CENPV: variants seen among roughly 807,000 people sequenced by gnomAD.
CENPV encodes the protein nuclear protein p30.
A neutral mutation model predicts 26.4 loss-of-function variants in CENPV; 15 were observed. The observed-to-expected ratio is 0.57, with a 90% CI of 0.38 to 0.88. The LOEUF is 0.88. Among genes scored for constraint, CENPV ranks in the 40% least tolerant of loss-of-function variants. The pLI is 0.00. For missense variants in CENPV, 336 were observed against 376.5 expected, an observed-to-expected ratio of 0.89 and a Z score of 0.89; for synonymous variants, 172 against 165.5, an observed-to-expected ratio of 1.04 and a Z score of -0.30.
At position 16,348,609 on chromosome 17, in the gene CENPV, C is replaced by G. The variant is rs776930185; in HGVS notation, c.579+7G>C. ...TGCACTCCTTGACCCTGCTCTTAAG[C>G]ACTGACCTTCAGGAGCTTGAAGCGA... On this transcript the variant is annotated splice_region_variant and intron_variant, in intron 3 of 4. Transcript: ENST00000299736. The G allele has an allele frequency of 6.2e-7, 1 of 1,613,994 alleles. No individual in the cohort carries two copies. Among genetic ancestry groups the G allele is most frequent in the South Asian group, 1.1e-5 (1 of 91,072 alleles).
chr17:16,353,364 C>CG lies in CENPV; in HGVS notation c.72dup (p.Ala25ArgfsTer20). On this transcript the variant is annotated frameshift_variant, in exon 1 of 5. Coordinates refer to ENST00000299736, the MANE Select transcript of CENPV (RefSeq NM_181716.3). LOFTEE classifies it high-confidence loss of function. ...GCCAAGGCAGCGGCCGCGGAGGCCG[C>CG]GGGGGCCGCGGAGGCCCCGGACCGC... 1 of 1,247,160 alleles carries CG rather than the reference C, an allele frequency of 8.0e-7. No homozygotes were observed. The highest frequency in any genetic ancestry group is 1.0e-6 in the Non-Finnish European group (1 of 1,001,296). The allele number at this position is 1,247,160 out of a possible 1,614,324, so 77.3% of individuals were successfully genotyped here.
chr17:16,353,451 G>T lies in CENPV; in HGVS notation c.-15C>A. 1 of 1,113,480 alleles carries T rather than the reference G, an allele frequency of 9.0e-7. No homozygotes were observed. The highest frequency in any genetic ancestry group is 4.3e-5 in the South Asian group (1 of 23,272). 69.0% of individuals were successfully genotyped at this position (1,113,480 alleles called of 1,614,324 possible). Reference sequence around the variant, plus strand: ...GATCGCCGCATGGCTCCCGCAGCCTGGCGCGCAGGCCTCGCAGCGCGGCGC... The same window carrying T: ...GATCGCCGCATGGCTCCCGCAGCCTTGCGCGCAGGCCTCGCAGCGCGGCGC... On this transcript the variant is annotated 5_prime_UTR_variant, in exon 1 of 5. Transcript: ENST00000299736.
chr17:16,353,267 G>A lies in CENPV; in HGVS notation c.170C>T (p.Pro57Leu). Residue 57 changes from proline to leucine, a missense_variant, in exon 1 of 5, where the codon CCG becomes CTG. Pro to Leu is a moderately conservative substitution (Grantham distance 98). Around this residue, in one of 2 missense-constraint regions of CENPV, gnomAD observed 181 missense variants for 148.8 expected, o/e 1.22. Coordinates refer to ENST00000299736, the MANE Select transcript of CENPV (RefSeq NM_181716.3). ...GSKSQAVEKP[P>L]SEKPRLRRSS... ...GCGCCTCAGCCGCGGCTTCTCCGAC[G>A]GCGGCTTCTCCACCGCCTGGCTCTT... 2 of 1,419,044 alleles carry A rather than the reference G, an allele frequency of 1.4e-6. No homozygotes were observed. Among genetic ancestry groups the A allele is most frequent in the Non-Finnish European group, 9.2e-7 (1 of 1,087,114 alleles). The allele number at this position is 1,419,044 out of a possible 1,614,324, so 87.9% of individuals were successfully genotyped here. A position where few individuals can be genotyped will look rare whatever the true frequency, so the allele number is the denominator to read the frequency against.
rs1568867282 is a variant in CENPV, at chr17:16,348,468, T to C, written c.579+148A>G. On this transcript the variant is annotated intron_variant, in intron 3 of 4. Coordinates refer to ENST00000299736, the MANE Select transcript of CENPV (RefSeq NM_181716.3). The stretch of plus-strand genomic sequence containing the variant: ...CACTGTGCCGGGCCCACCTTTTAAA[T>C]GTCAACCTGAAACCAAAGCCCGTGA... 4 of 1,487,832 alleles carry C rather than the reference T, an allele frequency of 2.7e-6. No homozygotes were observed. The East Asian group carries it at 7.1e-5, about 27-fold the overall frequency. 92.2% of individuals were successfully genotyped at this position (1,487,832 alleles called of 1,614,324 possible). A position where few individuals can be genotyped will look rare whatever the true frequency, so the allele number is the denominator to read the frequency against.
chr17:16,347,354 T>TGG (rs2093211487), intron 3 of CENPV, among the ~76,000 whole-genome samples: 1 of 152,056 alleles, frequency 6.6e-6, no homozygotes, highest in African/African-American at 2.4e-5. Context: ...GCTCACTCCA[T>TGG]AGCCACTGCA....
At chr17:16,352,976 A>AG (rs2093234118) in intron 1 of CENPV, 51 bp downstream of exon 1, 2 of 1,491,462 alleles carry the variant, frequency 1.3e-6, no homozygotes, top group African/African-American at 1.5e-5. Flanking sequence ...ACTCCTGCCG[A>AG]GGGGGTCCGC....
chr17:16,350,135 C>T (rs2093223051), intron 1 of CENPV, 106 bp from the exon 2 acceptor site: 1 of 1,356,986 alleles, frequency 7.4e-7, no homozygotes, highest in Non-Finnish European at 1.0e-6. Flanking sequence ...GTCTTTTCTA[C>T]ATGACAACCA....
At chr17:16,345,540 A>G (rs1568865201) in intron 3 of CENPV, among the ~76,000 whole-genome samples, 1 of 152,074 alleles carries the variant, frequency 6.6e-6, no homozygotes, top group Non-Finnish European at 1.5e-5. Context: ...CATTAAAAAA[A>G]AAAATCTTGA....
Position 16,348,893 on chromosome 17 carries a change from G to A in CENPV, c.510-208C>T, listed in dbSNP as rs2093218674. On this transcript the variant is annotated intron_variant, in intron 2 of 4. Transcript: ENST00000299736. ...CCAGGGGGGTCCCAAGTCAGCAGTC[G>A]AGGTTCTGCAATGCTCAGAACACAG... 2.9e-6 allele frequency: 4 copies of A among 1,359,440 alleles called. No homozygotes were observed. The South Asian group carries it at 4.5e-5, about 15-fold the overall frequency. 84.2% of individuals were successfully genotyped at this position (1,359,440 alleles called of 1,614,324 possible).
At chr17:16,345,122 T>C (rs539323986) in intron 3 of CENPV, among the ~76,000 whole-genome samples, 2 of 151,146 alleles carry the variant, frequency 1.3e-5, no homozygotes, top group Non-Finnish European at 2.9e-5. Flanking sequence ...TGTAGCCGGG[T>C]GTGGTGGCAG....
Position 16,353,459 on chromosome 17 carries a change from G to GGCCTCGCAGCGCGGCGCGCCC in CENPV, c.-24_-23insGGGCGCGCCGCGCTGCGAGGC. On this transcript the variant is annotated 5_prime_UTR_variant, in exon 1 of 5. Coordinates refer to ENST00000299736, the MANE Select transcript of CENPV (RefSeq NM_181716.3). ...CATGGCTCCCGCAGCCTGGCGCGCA[G>GGCCTCGCAGCGCGGCGCGCCC]GCCTCGCAGCGCGGCGCGCCCCCGC... is the stretch of plus-strand genomic sequence containing the variant. 1 of 1,083,612 alleles carries GGCCTCGCAGCGCGGCGCGCCC rather than the reference G, an allele frequency of 9.2e-7. No homozygotes were observed. Among genetic ancestry groups the GGCCTCGCAGCGCGGCGCGCCC allele is most frequent in the Non-Finnish European group, 1.1e-6 (1 of 895,486 alleles). The allele number at this position is 1,083,612 out of a possible 1,614,324, so 67.1% of individuals were successfully genotyped here.
At chr17:16,347,267 G>A (rs2093210988) in intron 3 of CENPV, among the ~76,000 whole-genome samples, 2 of 152,140 alleles carry the variant, frequency 1.3e-5, no homozygotes, top group African/African-American at 4.8e-5. Flanking sequence ...TCTTATCCTT[G>A]TTAACCCTCT....
chr17:16,352,118 T>C (rs1288736257), intron 1 of CENPV, among the ~76,000 whole-genome samples: 1 of 152,212 alleles, frequency 6.6e-6, no homozygotes, highest in Non-Finnish European at 1.5e-5. Flanking sequence ...TAGGTTATTC[T>C]TGTCGGTTTT....
intron 3 of CENPV, among the ~76,000 whole-genome samples, chr17:16,347,238 A>AG (rs2093210795): frequency 6.6e-6 from 1 of 152,134 alleles, no homozygotes; most frequent in Non-Finnish European, 1.5e-5. Flanking sequence ...AGACAGCTGA[A>AG]GGGGAAGGGG....
chr17:16,353,415 C>T lies in CENPV; in HGVS notation c.22G>A (p.Ala8Thr), dbSNP rs2093236104. 1.7e-6 allele frequency: 2 copies of T among 1,172,734 alleles called. No individual in the cohort carries two copies. Among genetic ancestry groups the T allele is most frequent in the African/African-American group, 1.6e-5 (1 of 61,716 alleles). 72.6% of individuals were successfully genotyped at this position (1,172,734 alleles called of 1,614,324 possible). The change falls in exon 1 of 5, where the codon GCG becomes ACG. Residue 8 changes from alanine to threonine, a missense_variant. Physicochemically the swap from Ala to Thr is moderately conservative, Grantham distance 58. Coordinates refer to ENST00000299736, the MANE Select transcript of CENPV (RefSeq NM_181716.3). The stretch of plus-strand genomic sequence containing the variant: ...TTCTGCCCGCGCAGCTTGGCGGCCG[C>T]AGAGCTCCTCGATCGCCGCATGGCT... Reference protein sequence around the residue: MRRSRSSAAAKLRGQKRS... With the variant: MRRSRSSTAAKLRGQKRS...
At chr17:16,346,658 G>A (rs1439974375) in intron 3 of CENPV, among the ~76,000 whole-genome samples, 1 of 151,942 alleles carries the variant, frequency 6.6e-6, no homozygotes, top group Non-Finnish European at 1.5e-5. Context: ...GGCTGAAGCA[G>A]GAGAATCACT....
intron 3 of CENPV, chr17:16,348,049 G>T (rs1031230324): frequency 6.6e-6 from 1 of 152,426 alleles, no homozygotes; most frequent in Non-Finnish European, 1.5e-5. Flanking sequence ...TTAGTTGACA[G>T]GATTTGGGTG....
intron 2 of CENPV, chr17:16,349,127 TC>T: frequency 1.0e-6 from 1 of 989,032 alleles, no homozygotes; most frequent in African/African-American, 1.7e-5. Flanking sequence ...GTAAAACACG[TC>T]CCCAGAATTA....
intron 1 of CENPV, among the ~76,000 whole-genome samples, chr17:16,350,368 G>A (rs1429252704): frequency 2.0e-5 from 3 of 149,028 alleles, no homozygotes; most frequent in Admixed American, 6.7e-5. Flanking sequence ...TTTTGAGATG[G>A]AGTCTCAGTC....
Sources: allele counts gnomAD v4.1 joint callset (sites outside exome capture counted in the v4.1 genomes callset), GRCh38; gene constraint gnomAD v4.1.1; regional missense constraint gnomAD v4.1.1; transcripts MANE v1.5; gene names NCBI Gene and HGNC (gene_info 2026-07-23, HGNC 2026-07-21).